Variants in DMD observed in about 807,000 individuals in gnomAD.
DMD encodes dystrophin.
Under a neutral mutation model 330.1 loss-of-function variants are expected in DMD, and 63 were observed. That is an observed-to-expected ratio of 0.19 (90% CI 0.16 to 0.24). DMD has a LOEUF of 0.24. Among genes scored for constraint, DMD ranks in the 10% least tolerant of loss-of-function variants. The pLI is 1.00. For missense variants in DMD, 3,344 were observed against 2,684.1 expected, an observed-to-expected ratio of 1.25 and a Z score of -5.43; for synonymous variants, 1,223 against 959.8, an observed-to-expected ratio of 1.27 and a Z score of -5.07.
intron 2 of DMD, among the ~76,000 whole-genome samples, chrX:32,914,086 CTG>C (rs1271322773): frequency 5.4e-5 from 6 of 111,844 alleles, no homozygotes; most frequent in Non-Finnish European, 1.1e-4. Context: ...CTAAGACAAA[CTG>C]TGACAAATTA....
At chrX:32,594,843 CACG>C (rs1482360362) in intron 13 of DMD, among the ~76,000 whole-genome samples, 2 of 111,462 alleles carry the variant, frequency 1.8e-5, no homozygotes, top group Admixed American at 9.6e-5. Context: ...CAGAGCATTC[CACG>C]ACAATTCCAG....
At chrX:33,231,496 G>A (rs1047814992) in intron 1 of DMD, among the ~76,000 whole-genome samples, 1 of 111,962 alleles carries the variant, frequency 8.9e-6, no homozygotes, top group Non-Finnish European at 1.9e-5. Context: ...TTCAAAGGGA[G>A]AAGTTACTGA....
intron 45 of DMD, among the ~76,000 whole-genome samples, chrX:31,946,444 G>T (rs1018748478): frequency 1.8e-5 from 2 of 111,468 alleles, no homozygotes; most frequent in African/African-American, 6.5e-5. Flanking sequence ...GATTCTGCAT[G>T]AACTTTATTA....
intron 11 of DMD, among the ~76,000 whole-genome samples, chrX:32,617,124 C>T (rs764208098): frequency 9.1e-6 from 1 of 110,377 alleles, no homozygotes; most frequent in Non-Finnish European, 1.9e-5. Flanking sequence ...ACTGAGTTCA[C>T]CCAATACAAT....
chrX:31,142,626 C>A (rs950694049), intron 76 of DMD, among the ~76,000 whole-genome samples: 2 of 112,012 alleles, frequency 1.8e-5, no homozygotes, highest in Non-Finnish European at 3.8e-5. Flanking sequence ...AGCAAAGGAA[C>A]AGTTTAATTT....
chrX:33,299,610 T>C (rs1225475141), intron 1 of DMD, among the ~76,000 whole-genome samples: 1 of 111,176 alleles, frequency 9.0e-6, no homozygotes. Context: ...AAAGATACAG[T>C]CTAGGGGTGG....
intron 1 of DMD, among the ~76,000 whole-genome samples, chrX:33,172,009 A>T (rs2148704196): frequency 9.0e-6 from 1 of 111,332 alleles, no homozygotes; most frequent in African/African-American, 3.2e-5. Flanking sequence ...TGACGCAAAC[A>T]AAAAATGTAC....
In DMD at chrX:31,830,152, T is replaced by C. The variant is rs138163644; in HGVS notation, c.7200+6566A>G. Among the ~76,000 whole-genome samples, 100 of 112,843 alleles carry C rather than the reference T, an allele frequency of 8.9e-4. 1 individual carries two copies. Among genetic ancestry groups the C allele is most frequent in the Middle Eastern group, 4.6e-3 (1 of 218 alleles). ...TAATTAAAAAGGGAGGCAAAGAAAG[T>C]TGATAAATCTTTAGCAATCATTCCT... On this transcript the variant is annotated intron_variant, in intron 49 of 78. Coordinates refer to ENST00000357033, the MANE Select transcript of DMD (RefSeq NM_004006.3).
intron 2 of DMD, among the ~76,000 whole-genome samples, chrX:32,938,354 A>G (rs947552691): frequency 1.8e-5 from 2 of 111,928 alleles, no homozygotes; most frequent in Non-Finnish European, 3.8e-5. Context: ...GATTACTTGC[A>G]TATTTTCCCT....
intron 49 of DMD, among the ~76,000 whole-genome samples, chrX:31,821,239 G>A (rs933145762): frequency 8.9e-6 from 1 of 112,820 alleles, no homozygotes; most frequent in African/African-American, 3.2e-5. Context: ...AGAATCACCT[G>A]GAGACCTTGC....
chrX:32,812,266 C>CA (rs1278123843), intron 6 of DMD, among the ~76,000 whole-genome samples: 5 of 110,122 alleles, frequency 4.5e-5, no homozygotes, highest in South Asian at 3.8e-4. Context: ...TATGCAAAAA[C>CA]AAAAAAACAA....
chrX:33,206,802 T>A (rs1352029417), intron 1 of DMD, among the ~76,000 whole-genome samples: 1 of 111,271 alleles, frequency 9.0e-6, no homozygotes, highest in Non-Finnish European at 1.9e-5. Context: ...GGAGTACTGA[T>A]CTTTGTGTTT....
At chrX:31,284,546 A>G (rs533147171) in intron 62 of DMD, among the ~76,000 whole-genome samples, 2 of 63,277 alleles carry the variant, frequency 3.2e-5, no homozygotes, top group South Asian at 8.0e-4. Flanking sequence ...AAGAACTGCA[A>G]TAACGAACTG....
chrX:31,846,965 G>T (rs902720795), intron 48 of DMD, among the ~76,000 whole-genome samples: 10 of 111,775 alleles, frequency 8.9e-5, no homozygotes, highest in African/African-American at 3.2e-4. Flanking sequence ...ATTACTTAGA[G>T]CTCCAAAGTA....
chrX:31,643,637 T>C (rs2079909773), intron 54 of DMD, among the ~76,000 whole-genome samples: 1 of 111,930 alleles, frequency 8.9e-6, no homozygotes. Context: ...ATTAGGTAAA[T>C]ATGGAAAAGT....
At chrX:32,081,153 C>T (rs1184488628) in intron 44 of DMD, among the ~76,000 whole-genome samples, 1 of 111,984 alleles carries the variant, frequency 8.9e-6, no homozygotes, top group African/African-American at 3.2e-5. Context: ...TTCTCATCTG[C>T]CTTTCTGGTT....
At chrX:32,723,314 G>C (rs756518701) in intron 7 of DMD, among the ~76,000 whole-genome samples, 38 of 110,844 alleles carry the variant, frequency 3.4e-4, no homozygotes, top group African/African-American at 1.2e-3. Context: ...TGTGTTATTT[G>C]TCTTGCTAAT....
intron 27 of DMD, among the ~76,000 whole-genome samples, chrX:32,442,703 T>C (rs1414457690): frequency 2.7e-5 from 3 of 110,695 alleles, no homozygotes; most frequent in African/African-American, 9.8e-5. Flanking sequence ...ACAACAATGA[T>C]CATTTCAGCC....
At chrX:31,311,236 A>G (rs2055494109) in intron 62 of DMD, among the ~76,000 whole-genome samples, 1 of 109,217 alleles carries the variant, frequency 9.2e-6, no homozygotes, top group Admixed American at 9.8e-5. Flanking sequence ...GAAGGATGAG[A>G]CGATCTGTTC....
Sources: gnomAD v4.1 joint callset for allele counts (sites outside exome capture counted in the v4.1 genomes callset) on GRCh38, gnomAD v4.1.1 for gene constraint, MANE v1.5 for transcripts, NCBI Gene and HGNC (gene_info 2026-07-23, HGNC 2026-07-21) for gene names.